THSD7B: variants seen among roughly 807,000 people sequenced by gnomAD.
THSD7B encodes thrombospondin type-1 domain-containing protein 7B.
In THSD7B, 138 loss-of-function variants were observed where a neutral mutation model predicts 213.6. That is an observed-to-expected ratio of 0.65 (90% confidence interval 0.56 to 0.74). THSD7B has a LOEUF of 0.74. Among genes scored for constraint, THSD7B ranks in the 30% least tolerant of loss-of-function variants. THSD7B has a pLI of 0.00. For missense variants in THSD7B, 1,931 were observed against 1,991.5 expected (o/e 0.97, Z 0.58); for synonymous variants, 742 against 687.0 (o/e 1.08, Z -1.25).
At chr2:137,319,763 T>A (rs1209623509) in intron 12 of THSD7B, among the ~76,000 whole-genome samples, 2 of 152,192 alleles carry the variant, frequency 1.3e-5, no homozygotes, top group African/African-American at 2.4e-5. Flanking sequence ...GACTTTTTTT[T>A]AGAGGTGCCA....
At chr2:136,985,980 A>G (rs1311890392) in intron 2 of THSD7B, among the ~76,000 whole-genome samples, 4 of 152,190 alleles carry the variant, frequency 2.6e-5, no homozygotes, top group African/African-American at 9.6e-5. Flanking sequence ...TGGGTTTCAT[A>G]TTTGTGTGGG....
chr2:137,455,722 G>A (rs1167709577), intron 15 of THSD7B, among the ~76,000 whole-genome samples: 1 of 152,196 alleles, frequency 6.6e-6, no homozygotes, highest in East Asian at 1.9e-4. Flanking sequence ...TATCAGGTTA[G>A]TTGGCTAATG....
intron 14 of THSD7B, among the ~76,000 whole-genome samples, chr2:137,437,585 G>T (rs952494544): frequency 1.3e-5 from 2 of 152,118 alleles, no homozygotes; most frequent in African/African-American, 4.8e-5. Flanking sequence ...GAAAGCAACA[G>T]ATTACAGAAG....
At chr2:137,033,348 G>A (rs1686710601) in intron 2 of THSD7B, among the ~76,000 whole-genome samples, 1 of 152,168 alleles carries the variant, frequency 6.6e-6, no homozygotes, top group African/African-American at 2.4e-5. Context: ...GCTAGCTCAG[G>A]CCGGTTCAGG....
chr2:137,368,960 T>C (rs1685481482), intron 12 of THSD7B, among the ~76,000 whole-genome samples: 1 of 152,076 alleles, frequency 6.6e-6, no homozygotes. Context: ...GTTCAACTTT[T>C]CTAAGTAGTC....
intron 15 of THSD7B, among the ~76,000 whole-genome samples, chr2:137,528,845 G>A (rs557475787): frequency 4.6e-5 from 7 of 152,180 alleles, no homozygotes; most frequent in South Asian, 4.1e-4. Flanking sequence ...CTGCTTGTAC[G>A]TAGGATAGAG....
rs72844570 is a variant in THSD7B, at chr2:137,654,640, T to C, written c.3946-861T>C. Among the ~76,000 whole-genome samples the C allele has an allele frequency of 8.0e-3, 1,216 of 152,268 alleles. 15 individuals carry two copies. The highest frequency in any genetic ancestry group is 0.011 in the Non-Finnish European group (762 of 68,018). On this transcript the variant is annotated intron_variant, in intron 21 of 27. Transcript: ENST00000409968. Reference sequence around the variant, plus strand: ...TGCAGATATGGAAGTCTGATTCCCTTACCACTTACTGAGTTTTTTCACTTC... The same window carrying C: ...TGCAGATATGGAAGTCTGATTCCCTCACCACTTACTGAGTTTTTTCACTTC...
intron 14 of THSD7B, among the ~76,000 whole-genome samples, chr2:137,421,598 T>C (rs1686927506): frequency 6.6e-6 from 1 of 152,216 alleles, no homozygotes; most frequent in Non-Finnish European, 1.5e-5. Context: ...TGTTCAGCTA[T>C]CTGGAAGCTC....
intron 15 of THSD7B, among the ~76,000 whole-genome samples, chr2:137,504,750 T>C (rs1427892028): frequency 6.6e-6 from 1 of 152,222 alleles, no homozygotes; most frequent in East Asian, 1.9e-4. Context: ...GCGATATCCA[T>C]ATCTATTGGG....
At chr2:137,062,049 G>A (rs1687285852) in intron 3 of THSD7B, among the ~76,000 whole-genome samples, 1 of 151,578 alleles carries the variant, frequency 6.6e-6, no homozygotes, top group Non-Finnish European at 1.5e-5. Flanking sequence ...TCGTATCATC[G>A]ATTTCTCTTT....
At chr2:136,909,898 A>T (rs1448225903) in intron 2 of THSD7B, among the ~76,000 whole-genome samples, 1 of 152,152 alleles carries the variant, frequency 6.6e-6, no homozygotes, top group Non-Finnish European at 1.5e-5. Context: ...GGGTGAGCAC[A>T]GATTACTGGC....
At chr2:136,799,880 A>G (rs2104920744) in intron 1 of THSD7B, among the ~76,000 whole-genome samples, 1 of 152,106 alleles carries the variant, frequency 6.6e-6, no homozygotes, top group Non-Finnish European at 1.5e-5. Flanking sequence ...AAGATGGGTC[A>G]CTTTGGTTTT....
chr2:137,495,873 A>T (rs141071476), intron 15 of THSD7B, among the ~76,000 whole-genome samples: 9 of 152,292 alleles, frequency 5.9e-5, no homozygotes, highest in African/African-American at 2.2e-4. Context: ...TCAAAACTCC[A>T]GTTCTACCCC....
At position 137,631,186 on chromosome 2, in the gene THSD7B, C is replaced by T. The variant is rs16839187; in HGVS notation, c.3799+10460C>T. On this transcript the variant is annotated intron_variant, in intron 20 of 27. Transcript: ENST00000409968. ...AATTTATTTCAATTTAGAGAGAGAC[C>T]GATTCTAAGCTTCCACTAAGGGATC... Among the ~76,000 whole-genome samples, 528 of 152,158 alleles carry T rather than the reference C, an allele frequency of 3.5e-3. 2 individuals carry two copies. The highest frequency in any genetic ancestry group is 0.012 in the African/African-American group (507 of 41,518).
chr2:137,152,006 A>ATTTTTTTTTT (rs201462563), intron 5 of THSD7B, among the ~76,000 whole-genome samples: 1 of 137,642 alleles, frequency 7.3e-6, no homozygotes, highest in Non-Finnish European at 1.6e-5. Flanking sequence ...AGCTACCTTA[A>ATTTTTTTTTT]TTTTTTTTTT....
chr2:137,410,663 A>G (rs1686633828), intron 13 of THSD7B, among the ~76,000 whole-genome samples: 1 of 152,190 alleles, frequency 6.6e-6, no homozygotes, highest in Non-Finnish European at 1.5e-5. Context: ...AATGCAAACC[A>G]TGTGGCAATG....
At chr2:137,242,890 TCA>T (rs2105065802) in intron 10 of THSD7B, among the ~76,000 whole-genome samples, 1 of 152,270 alleles carries the variant, frequency 6.6e-6, no homozygotes, top group Non-Finnish European at 1.5e-5. Context: ...ATCATCACAA[TCA>T]CAGTTTCTAT....
intron 12 of THSD7B, among the ~76,000 whole-genome samples, chr2:137,328,545 G>T (rs555780684): frequency 3.3e-5 from 5 of 152,208 alleles, no homozygotes; most frequent in African/African-American, 1.2e-4. Context: ...TAGCAGTTAC[G>T]CTTCTTCCTT....
At chr2:136,961,736 C>T (rs866102167) in intron 2 of THSD7B, among the ~76,000 whole-genome samples, 9 of 152,192 alleles carry the variant, frequency 5.9e-5, no homozygotes, top group Middle Eastern at 3.4e-3. Flanking sequence ...TTCGCATGAA[C>T]GGAGGAATGT....
Sources: allele counts gnomAD v4.1 joint callset (sites outside exome capture counted in the v4.1 genomes callset), GRCh38; gene constraint gnomAD v4.1.1; transcripts MANE v1.5; gene names NCBI Gene and HGNC (gene_info 2026-07-23, HGNC 2026-07-21).